Variants in CNTNAP2 observed in about 807,000 individuals in gnomAD.
CNTNAP2 encodes the protein contactin associated protein 2, also known as contactin-associated protein-like 2.
Under a neutral mutation model 155.2 loss-of-function variants are expected in CNTNAP2, and 98 were observed. The ratio of observed to expected loss-of-function variants is 0.63; its 90% CI spans 0.54 to 0.75. The LOEUF (loss-of-function observed/expected upper bound fraction) is 0.75. Ranked by LOEUF, CNTNAP2 falls within the 30% of genes least tolerant of loss-of-function variation. The pLI is 0.00. For synonymous variants in CNTNAP2, 651 were observed against 631.2 expected, an observed-to-expected ratio of 1.03 and a Z score of -0.47; for missense variants, 1,727 against 1,688.1, an observed-to-expected ratio of 1.02 and a Z score of -0.40.
intron 1 of CNTNAP2, among the ~76,000 whole-genome samples, chr7:146,483,845 G>A (rs144258515): frequency 2.4e-4 from 37 of 152,186 alleles, no homozygotes; most frequent in African/African-American, 8.2e-4. Flanking sequence ...CGTAAGCTAA[G>A]GTTAGTTGGA....
chr7:147,191,660 A>G (rs532763532), intron 8 of CNTNAP2, among the ~76,000 whole-genome samples: 33 of 152,298 alleles, frequency 2.2e-4, no homozygotes, highest in African/African-American at 7.7e-4. Flanking sequence ...CTATTTCTGG[A>G]GGGGAAAGAA....
At chr7:147,683,703 C>A (rs1156629055) in intron 13 of CNTNAP2, among the ~76,000 whole-genome samples, 1 of 148,696 alleles carries the variant, frequency 6.7e-6, no homozygotes, top group Admixed American at 6.8e-5. Context: ...GGGAAGAATT[C>A]TCAACTTGTT....
At chr7:147,527,775 G>C (rs995414665) in intron 11 of CNTNAP2, among the ~76,000 whole-genome samples, 3 of 152,188 alleles carry the variant, frequency 2.0e-5, no homozygotes. Context: ...GTTGGCTTCT[G>C]TCATAGTTTT....
intron 20 of CNTNAP2, among the ~76,000 whole-genome samples, chr7:148,262,478 G>T (rs1796580397): frequency 6.6e-6 from 1 of 152,298 alleles, no homozygotes; most frequent in African/African-American, 2.4e-5. Flanking sequence ...CAATCAGAAA[G>T]GCTGGTGCCT....
intron 15 of CNTNAP2, among the ~76,000 whole-genome samples, chr7:148,102,155 TGG>T (rs1804114393): frequency 1.3e-5 from 2 of 152,150 alleles, no homozygotes; most frequent in Admixed American, 6.5e-5. Context: ...AGTAGGCCCC[TGG>T]GTCTGTTGTT....
intron 9 of CNTNAP2, among the ~76,000 whole-genome samples, chr7:147,389,204 A>G (rs1412414445): frequency 6.6e-6 from 1 of 152,136 alleles, no homozygotes; most frequent in East Asian, 1.9e-4. Flanking sequence ...AGGAAGGTTG[A>G]GTAAACAGTA....
intron 4 of CNTNAP2, among the ~76,000 whole-genome samples, chr7:147,072,655 G>T (rs533196488): frequency 6.6e-6 from 1 of 152,058 alleles, no homozygotes; most frequent in South Asian, 2.1e-4. Flanking sequence ...CATGTGGGCT[G>T]TGGTGGAAAA....
intron 13 of CNTNAP2, among the ~76,000 whole-genome samples, chr7:147,809,250 T>C (rs759630705): frequency 1.3e-5 from 2 of 152,188 alleles, no homozygotes; most frequent in Non-Finnish European, 2.9e-5. Context: ...TTTCAGCACA[T>C]ACTAATGCCA....
chr7:148,346,163 C>T (rs561430758), intron 21 of CNTNAP2, among the ~76,000 whole-genome samples: 1 of 152,254 alleles, frequency 6.6e-6, no homozygotes, highest in South Asian at 2.1e-4. Context: ...AGGTCCAGAG[C>T]AGAACCTGAA....
chr7:147,895,968 TA>T lies in CNTNAP2; in HGVS notation c.2099-7595del, dbSNP rs545023020. Among the ~76,000 whole-genome samples, 34 of 152,348 alleles carry T rather than the reference TA, an allele frequency of 2.2e-4. No homozygotes were observed. In the South Asian group the frequency reaches 7.0e-3, roughly 32 times the overall value. The stretch of plus-strand genomic sequence containing the variant: ...GCAGTAGATGTGGAAAGAGCTAAGT[TA>T]AGCATTTTGTGCTGTATTTTAACTT... On this transcript the variant is annotated intron_variant, in intron 13 of 23. Transcript: ENST00000361727.
intron 10 of CNTNAP2, among the ~76,000 whole-genome samples, chr7:147,418,677 T>A (rs1797240191): frequency 6.6e-6 from 1 of 152,214 alleles, no homozygotes; most frequent in South Asian, 2.1e-4. Flanking sequence ...AAAAATATGG[T>A]CTGATTTTCA....
chr7:147,781,518 A>C (rs10259355), intron 13 of CNTNAP2, among the ~76,000 whole-genome samples: 2,063 of 152,288 alleles, frequency 0.014, 38 homozygotes, highest in African/African-American at 0.046. Context: ...TAAAATTATT[A>C]ATCTATGCAA....
rs140319199 is a variant in CNTNAP2, at chr7:147,963,398, AATTG to A, written c.2256-14461_2256-14458del. ...GTTCTTCCTAGAGGAAGAAGCAATT[AATTG>A]ATCTTGGAGGGGTCAGGGAGAGTTT... On this transcript the variant is annotated intron_variant, in intron 14 of 23. Transcript: ENST00000361727. 6.7e-3 allele frequency among the ~76,000 whole-genome samples: 1,022 copies of A among 152,228 alleles called. 13 individuals are homozygous for A. The highest frequency in any genetic ancestry group is 0.023 in the African/African-American group (973 of 41,544).
At chr7:148,009,570 C>A (rs571390233) in intron 15 of CNTNAP2, among the ~76,000 whole-genome samples, 1 of 152,072 alleles carries the variant, frequency 6.6e-6, no homozygotes, top group Non-Finnish European at 1.5e-5. Flanking sequence ...TTTACCTATA[C>A]TATAGTAACT....
chr7:147,796,666 A>G (rs1202293207), intron 13 of CNTNAP2, among the ~76,000 whole-genome samples: 1 of 152,202 alleles, frequency 6.6e-6, no homozygotes, highest in East Asian at 1.9e-4. Flanking sequence ...TTGAATACGC[A>G]TAAAACACAG....
chr7:147,485,432 A>G (rs1798493555), intron 10 of CNTNAP2, among the ~76,000 whole-genome samples: 1 of 152,140 alleles, frequency 6.6e-6, no homozygotes, highest in Non-Finnish European at 1.5e-5. Context: ...GGTGTTTGGG[A>G]GACTTAGAAA....
chr7:146,724,986 C>T (rs1050787566), intron 1 of CNTNAP2, among the ~76,000 whole-genome samples: 1 of 152,140 alleles, frequency 6.6e-6, no homozygotes, highest in Non-Finnish European at 1.5e-5. Flanking sequence ...AGGTTAAAGT[C>T]TGCAACCCAG....
chr7:146,980,283 A>G (rs1797989153), intron 3 of CNTNAP2, among the ~76,000 whole-genome samples: 1 of 152,188 alleles, frequency 6.6e-6, no homozygotes, highest in African/African-American at 2.4e-5. Flanking sequence ...GATCAACACT[A>G]TTAATGCTAT....
At chr7:148,184,977 T>C (rs960094641) in intron 18 of CNTNAP2, among the ~76,000 whole-genome samples, 3 of 152,228 alleles carry the variant, frequency 2.0e-5, no homozygotes, top group Admixed American at 6.5e-5. Context: ...AAAGCCTCTT[T>C]AGTGAGAATC....
Sources: allele counts gnomAD v4.1 joint callset (sites outside exome capture counted in the v4.1 genomes callset), GRCh38; gene constraint gnomAD v4.1.1; transcripts MANE v1.5; gene names NCBI Gene and HGNC (gene_info 2026-07-23, HGNC 2026-07-21).